The following LMX1B variants were observed in gnomAD, a reference collection of about 807,000 sequenced individuals.
The protein encoded by LMX1B is LIM homeobox transcription factor 1-beta.
A neutral mutation model predicts 51.4 loss-of-function variants in LMX1B; 12 were observed. That is an observed-to-expected ratio of 0.23 (90% CI 0.15 to 0.38). LMX1B has a LOEUF of 0.38. Among genes scored for constraint, LMX1B ranks in the 10% least tolerant of loss-of-function variants. The probability of loss-of-function intolerance (pLI) is 1.00; values close to 1 mark genes in which losing one functional copy is unlikely to be tolerated. For missense variants in LMX1B, 445 were observed against 571.1 expected (o/e 0.78, Z 2.25); for synonymous variants, 237 against 235.4 (o/e 1.01, Z -0.06).
chr9:126,672,728 G>A (rs1287826998), intron 2 of LMX1B, among the ~76,000 whole-genome samples: 2 of 152,212 alleles, frequency 1.3e-5, no homozygotes, highest in East Asian at 1.9e-4. Flanking sequence ...GGTGCGGGGG[G>A]CTGAGGAACA....
intron 2 of LMX1B, among the ~76,000 whole-genome samples, chr9:126,678,329 C>A (rs2417030): frequency 0.12 from 13,717 of 116,010 alleles, 741 homozygotes; most frequent in African/African-American, 0.23. Context: ...AAACAAAAAA[C>A]AAAAAAAAAA....
intron 2 of LMX1B, among the ~76,000 whole-genome samples, chr9:126,651,738 G>C (rs962294629): frequency 3.3e-5 from 5 of 152,120 alleles, no homozygotes; most frequent in Admixed American, 3.3e-4. Flanking sequence ...TCAGAAATTA[G>C]AGCCTCTGAG....
chr9:126,635,529 G>A (rs16929174), intron 2 of LMX1B, among the ~76,000 whole-genome samples: 3,401 of 152,284 alleles, frequency 0.022, 128 homozygotes, highest in African/African-American at 0.078. Flanking sequence ...AGATTCGGGG[G>A]AATAACTGTT....
Position 126,626,390 on chromosome 9 carries a change from G to A in LMX1B, c.326+10821G>A, listed in dbSNP as rs1835532863. On this transcript the variant is annotated intron_variant, in intron 2 of 7. Coordinates refer to ENST00000373474, the MANE Select transcript of LMX1B (RefSeq NM_001174147.2). This position sits in a 1 kb window ranked among gnomAD's most constrained non-coding sequence, Gnocchi z 4.3. ...TGACAGCATAGGGACCGGGAGCTCC[G>A]ATGGAGGAAACCCTTTCCGGGCAGG... Among the ~76,000 whole-genome samples, 2 of 152,232 alleles carry A rather than the reference G, an allele frequency of 1.3e-5. No individual in the cohort carries two copies. The highest frequency in any genetic ancestry group is 2.1e-4 in the South Asian group (1 of 4,836).
chr9:126,692,307 A>G (rs1279638620), intron 3 of LMX1B, among the ~76,000 whole-genome samples: 1 of 152,170 alleles, frequency 6.6e-6, no homozygotes, highest in Non-Finnish European at 1.5e-5. Context: ...ATACTCCAAG[A>G]ACAGGATTGA....
At position 126,696,792 on chromosome 9, in the gene LMX1B, A is replaced by C; in HGVS notation, c.*341A>C. ...AGCTTAAATTCTCTCTATTTTTTTA[A>C]ATGTCCTCTCTGTGTCCATGGCCCT... On this transcript the variant is annotated 3_prime_UTR_variant, in exon 8 of 8. Transcript: ENST00000373474. 1 of 385,964 alleles carries C rather than the reference A, an allele frequency of 2.6e-6. No homozygotes were observed. The highest frequency in any genetic ancestry group is 4.9e-6 in the Non-Finnish European group (1 of 205,580). The allele number at this position is 385,964 out of a possible 1,614,324, so 23.9% of individuals were successfully genotyped here.
In LMX1B at chr9:126,614,603, G is replaced by A. The variant is rs1182266145; in HGVS notation, c.139+15G>A. 3 of 1,568,330 alleles carry A rather than the reference G, an allele frequency of 1.9e-6. No individual in the cohort carries two copies. The highest frequency in any genetic ancestry group is 2.7e-5 in the African/African-American group (2 of 73,462). On this transcript the variant is annotated intron_variant, in intron 1 of 7. Transcript: ENST00000373474. ...GGTGCTGCTGGGTGAGTGCGGGGTC[G>A]GAACGCCCGAGTGGTCTCGGGCGTG...
intron 2 of LMX1B, among the ~76,000 whole-genome samples, chr9:126,646,339 TCCATCCATCTACCTAC>T (rs1328820953): frequency 2.6e-5 from 4 of 151,912 alleles, no homozygotes; most frequent in African/African-American, 9.7e-5. Context: ...TACCTACCCA[TCCATCCATCTACCTAC>T]CCATCCACCC....
chr9:126,623,946 T>A (rs1472850328), intron 2 of LMX1B, among the ~76,000 whole-genome samples: 2 of 152,164 alleles, frequency 1.3e-5, no homozygotes, highest in East Asian at 3.9e-4. Flanking sequence ...TGTTCTTTAC[T>A]GGGAGTGGGA....
intron 2 of LMX1B, among the ~76,000 whole-genome samples, chr9:126,627,860 G>A (rs562564127): frequency 3.4e-4 from 52 of 152,248 alleles, no homozygotes; most frequent in Non-Finnish European, 5.3e-4. Flanking sequence ...CCAGGCTTGG[G>A]GGCTGTGTGG....
intron 2 of LMX1B, among the ~76,000 whole-genome samples, chr9:126,640,473 G>C (rs1360138290): frequency 6.6e-6 from 1 of 152,200 alleles, no homozygotes; most frequent in Admixed American, 6.5e-5. Context: ...ACCAGTCCTG[G>C]GCCTTTGAGG....
At chr9:126,651,153 ATC>A (rs997282539) in intron 2 of LMX1B, among the ~76,000 whole-genome samples, 1 of 146,868 alleles carries the variant, frequency 6.8e-6, no homozygotes, top group African/African-American at 2.5e-5. Flanking sequence ...CTCCCTCCCC[ATC>A]TCTCTCTCTC....
chr9:126,634,758 G>A (rs1003250546), intron 2 of LMX1B, among the ~76,000 whole-genome samples: 7 of 152,294 alleles, frequency 4.6e-5, no homozygotes, highest in South Asian at 2.1e-4. Context: ...GGAGGGCCCC[G>A]CTGCGAGTGT....
In LMX1B at chr9:126,625,666, C is replaced by G. The variant is rs1401637154; in HGVS notation, c.326+10097C>G. Among the ~76,000 whole-genome samples the G allele has an allele frequency of 6.6e-6, 1 of 152,222 alleles. No individual in the cohort carries two copies. The highest frequency in any genetic ancestry group is 2.4e-5 in the African/African-American group (1 of 41,462). On this transcript the variant is annotated intron_variant, in intron 2 of 7. Coordinates refer to ENST00000373474, the MANE Select transcript of LMX1B (RefSeq NM_001174147.2). This position sits in a 1 kb window ranked among gnomAD's most constrained non-coding sequence, Gnocchi z 5.3. ...CCTTTGTTCCACCCCCACGGAAACC[C>G]TCTTCTCCGCCAGGCCCGTGGCGCC...
chr9:126,693,509 C>G lies in LMX1B; in HGVS notation c.742-15C>G, dbSNP rs566334716. On this transcript the variant is annotated splice_polypyrimidine_tract_variant and intron_variant, in intron 4 of 7. Coordinates refer to ENST00000373474, the MANE Select transcript of LMX1B (RefSeq NM_001174147.2). ...CCCCTGGAGGGCCTGACCTGTTCCC[C>G]TCTCTCTGAGCCAGGTCCGAGAGAC... is the stretch of plus-strand genomic sequence containing the variant. 25 of 1,613,592 alleles carry G rather than the reference C, an allele frequency of 1.5e-5. No individual in the cohort carries two copies. The South Asian group carries it at 2.4e-4, about 16-fold the overall frequency.
chr9:126,656,003 G>C (rs1276041906), intron 2 of LMX1B, among the ~76,000 whole-genome samples: 2 of 152,118 alleles, frequency 1.3e-5, no homozygotes, highest in Non-Finnish European at 2.9e-5. Context: ...AGTGTACGGG[G>C]GAAGTATGTC....
chr9:126,639,984 C>A (rs758476776), intron 2 of LMX1B, among the ~76,000 whole-genome samples: 1 of 152,192 alleles, frequency 6.6e-6, no homozygotes, highest in Admixed American at 6.5e-5. Context: ...ATTTTAATGG[C>A]GCTCAAATGC....
chr9:126,696,128 C>G, intron 7 of LMX1B, 125 bp downstream of exon 7: 1 of 1,168,638 alleles, frequency 8.6e-7, no homozygotes, highest in Admixed American at 1.9e-5. Context: ...CAGCACAGCC[C>G]TCCTGCCCCT....
intron 2 of LMX1B, among the ~76,000 whole-genome samples, chr9:126,675,751 A>AT (rs1836543652): frequency 7.2e-6 from 1 of 137,962 alleles, no homozygotes; most frequent in Non-Finnish European, 1.5e-5. Context: ...AAAAAAAAAG[A>AT]TAAAAAATGT....
Sources: gnomAD v4.1 joint callset for allele counts (sites outside exome capture counted in the v4.1 genomes callset) on GRCh38, gnomAD v4.1.1 for gene constraint, Gnocchi (gnomAD v3.1) non-coding constraint, MANE v1.5 for transcripts, NCBI Gene and HGNC (gene_info 2026-07-23, HGNC 2026-07-21) for gene names.